The following CYP7B1 variants were observed in gnomAD, a reference collection of about 807,000 sequenced individuals.
CYP7B1 encodes cytochrome P450 family 7 subfamily B member 1.
A neutral mutation model predicts 42.7 loss-of-function variants in CYP7B1; 29 were observed. The observed-to-expected ratio is 0.68, with a 90% CI of 0.51 to 0.93. The LOEUF (loss-of-function observed/expected upper bound fraction) is 0.93, where lower values mean the gene tolerates loss of function less well. CYP7B1 is among the 40% of genes least tolerant of loss of function. CYP7B1 has a pLI of 0.00. For missense variants in CYP7B1, 655 were observed against 600.5 expected (o/e 1.09, Z -0.95); for synonymous variants, 235 against 218.2 (o/e 1.08, Z -0.68).
intron 1 of CYP7B1, among the ~76,000 whole-genome samples, chr8:64,700,384 A>G (rs1390484252): frequency 3.3e-5 from 5 of 152,038 alleles, no homozygotes; most frequent in African/African-American, 1.2e-4. Flanking sequence ...GTGACCAGAA[A>G]AGTTTGCTTA....
At chr8:64,616,954 C>A (rs1013881582) in intron 2 of CYP7B1, among the ~76,000 whole-genome samples, 1 of 152,280 alleles carries the variant, frequency 6.6e-6, no homozygotes, top group East Asian at 1.9e-4. Flanking sequence ...AAGTCATTCA[C>A]CATTCACCAC....
intron 2 of CYP7B1, among the ~76,000 whole-genome samples, chr8:64,621,615 G>A (rs1805530617): frequency 6.6e-6 from 1 of 152,184 alleles, no homozygotes; most frequent in Admixed American, 6.5e-5. Flanking sequence ...GACTGAGCTG[G>A]AAAGGCTGGT....
chr8:64,798,682 GC>G lies in CYP7B1; in HGVS notation c.-96del. On this transcript the variant is annotated 5_prime_UTR_variant, in exon 1 of 6. Coordinates refer to ENST00000310193, the MANE Select transcript of CYP7B1 (RefSeq NM_004820.5). ...GCCTGCGGCGGCTTCTCTCGGCGGC[GC>G]CCCCTAGTCCAGGGCCGGAGAGGCT... is the stretch of plus-strand genomic sequence containing the variant. 3.7e-6 allele frequency: 5 copies of G among 1,351,286 alleles called. No homozygotes were observed. The highest frequency in any genetic ancestry group is 3.4e-5 in the Admixed American group (1 of 29,408). 83.7% of individuals were successfully genotyped at this position (1,351,286 alleles called of 1,614,324 possible).
intron 4 of CYP7B1, among the ~76,000 whole-genome samples, chr8:64,606,322 C>T (rs1202617380): frequency 1.3e-5 from 2 of 152,242 alleles, no homozygotes. Context: ...CAAGGACCAA[C>T]ATTTCTGTGG....
intron 1 of CYP7B1, among the ~76,000 whole-genome samples, chr8:64,760,917 T>C (rs544005095): frequency 2.4e-4 from 36 of 152,290 alleles, no homozygotes; most frequent in South Asian, 1.0e-3. Flanking sequence ...CATTGTAGCA[T>C]TATTCACAAC....
chr8:64,695,053 T>A (rs1771882596), intron 1 of CYP7B1, among the ~76,000 whole-genome samples: 1 of 152,014 alleles, frequency 6.6e-6, no homozygotes, highest in African/African-American at 2.4e-5. Context: ...AAATCTGAAA[T>A]TCAAAACAAT....
intron 1 of CYP7B1, among the ~76,000 whole-genome samples, chr8:64,635,600 G>A (rs911966335): frequency 2.0e-5 from 3 of 152,220 alleles, no homozygotes; most frequent in Admixed American, 6.5e-5. Flanking sequence ...TTCCTGCAAA[G>A]ATATTCACTG....
At chr8:64,669,770 C>A (rs1339341476) in intron 1 of CYP7B1, among the ~76,000 whole-genome samples, 1 of 151,806 alleles carries the variant, frequency 6.6e-6, no homozygotes, top group Non-Finnish European at 1.5e-5. Flanking sequence ...TCCCCAGCAA[C>A]TCTGGAGGTT....
At chr8:64,786,690 C>T (rs1472252310) in intron 1 of CYP7B1, among the ~76,000 whole-genome samples, 17 of 152,132 alleles carry the variant, frequency 1.1e-4, no homozygotes, top group Admixed American at 9.2e-4. Flanking sequence ...AGGATGGTGG[C>T]CTCCTTCTCA....
rs146170994 is a variant in CYP7B1 at position 64,772,603 on chromosome 8, C to T, written c.122+25863G>A. On this transcript the variant is annotated intron_variant, in intron 1 of 5. Coordinates refer to ENST00000310193, the MANE Select transcript of CYP7B1 (RefSeq NM_004820.5). The stretch of plus-strand genomic sequence containing the variant: ...TACAGTTTTCTTATGCACACACAGG[C>T]GCACACGCACACACACATCCTGTTG... Among the ~76,000 whole-genome samples the T allele has an allele frequency of 1.5e-3, 233 of 152,260 alleles. 4 individuals carry two copies. Among genetic ancestry groups the T allele is most frequent in the East Asian group, 0.014 (74 of 5,184 alleles).
chr8:64,627,181 G>A (rs1805621343), intron 1 of CYP7B1, among the ~76,000 whole-genome samples: 1 of 152,124 alleles, frequency 6.6e-6, no homozygotes, highest in Admixed American at 6.5e-5. Context: ...CATAGAGATG[G>A]GAATCTTACT....
intron 1 of CYP7B1, among the ~76,000 whole-genome samples, chr8:64,674,866 C>T (rs920163060): frequency 2.0e-5 from 3 of 152,026 alleles, no homozygotes; most frequent in Non-Finnish European, 4.4e-5. Context: ...TCCTGAATAG[C>T]AATATTTGTA....
intron 1 of CYP7B1, among the ~76,000 whole-genome samples, chr8:64,676,899 A>AATG (rs1806454142): frequency 6.6e-6 from 1 of 152,096 alleles, no homozygotes; most frequent in East Asian, 1.9e-4. Flanking sequence ...GCCGTCTGCT[A>AATG]ATGATGCATC....
In CYP7B1 at chr8:64,671,903, CAATAT is replaced by C. The variant is rs554627656; in HGVS notation, c.123-47369_123-47365del. On this transcript the variant is annotated intron_variant, in intron 1 of 5. Transcript: ENST00000310193. ...CTTAAATAACATCACTAGTCAAAAG[CAATAT>C]ATGAGTGATAGGGCTATGTAGGAAA... is the stretch of plus-strand genomic sequence containing the variant. Among the ~76,000 whole-genome samples, 124 of 152,086 alleles carry C rather than the reference CAATAT, an allele frequency of 8.2e-4. 3 individuals are homozygous for C. The South Asian group carries it at 0.025, about 31-fold the overall frequency.
intron 1 of CYP7B1, among the ~76,000 whole-genome samples, chr8:64,747,248 T>C (rs1203299428): frequency 3.4e-5 from 5 of 148,116 alleles, no homozygotes; most frequent in Admixed American, 6.8e-5. Context: ...TAATATAGTA[T>C]TAAACGTAGT....
intron 1 of CYP7B1, among the ~76,000 whole-genome samples, chr8:64,715,970 A>G (rs953279260): frequency 6.6e-5 from 10 of 152,296 alleles, no homozygotes; most frequent in African/African-American, 2.4e-4. Flanking sequence ...TAAATTAACA[A>G]ATATTTTATT....
chr8:64,754,742 G>T (rs993947191), intron 1 of CYP7B1, among the ~76,000 whole-genome samples: 1 of 152,170 alleles, frequency 6.6e-6, no homozygotes, highest in Non-Finnish European at 1.5e-5. Context: ...CCATGGTGAT[G>T]AAAAGCCCCT....
At chr8:64,617,015 A>C (rs1805458660) in intron 2 of CYP7B1, among the ~76,000 whole-genome samples, 1 of 152,156 alleles carries the variant, frequency 6.6e-6, no homozygotes, top group South Asian at 2.1e-4. Context: ...TTGAGATACA[A>C]TTATGTATAG....
chr8:64,698,641 G>A (rs1286431787), intron 1 of CYP7B1, among the ~76,000 whole-genome samples: 1 of 152,144 alleles, frequency 6.6e-6, no homozygotes, highest in African/African-American at 2.4e-5. Context: ...CTTAGTCATT[G>A]ATAGAAGAGT....
Sources: allele counts gnomAD v4.1 joint callset (sites outside exome capture counted in the v4.1 genomes callset), GRCh38; gene constraint gnomAD v4.1.1; transcripts MANE v1.5; gene names NCBI Gene and HGNC (gene_info 2026-07-23, HGNC 2026-07-21).